Variants in ANKRD26 observed in about 807,000 individuals in gnomAD.
ANKRD26 encodes the protein ankyrin repeat domain-containing protein 26.
In ANKRD26, 141 loss-of-function variants were observed where a neutral mutation model predicts 208.7. That is an observed-to-expected ratio of 0.68 (90% CI 0.59 to 0.78). The LOEUF is 0.78. ANKRD26 is among the 30% of genes least tolerant of loss of function. The pLI is 0.00. For synonymous variants in ANKRD26, 636 were observed against 660.4 expected, an observed-to-expected ratio of 0.96 and a Z score of 0.57; for missense variants, 1,889 against 1,938.7, an observed-to-expected ratio of 0.97 and a Z score of 0.48.
intron 15 of ANKRD26, among the ~76,000 whole-genome samples, chr10:27,059,066 C>G (rs2054951729): frequency 6.6e-6 from 1 of 151,858 alleles, no homozygotes; most frequent in South Asian, 2.1e-4. Flanking sequence ...GGGAGCCTGC[C>G]ACCACGCCTG....
chr10:27,085,100 TTTTG>T (rs1410959782), intron 5 of ANKRD26, among the ~76,000 whole-genome samples: 1 of 151,820 alleles, frequency 6.6e-6, no homozygotes, highest in African/African-American at 2.4e-5. Context: ...CACTTGTTTT[TTTTG>T]TTTGTTTTTT....
chr10:26,967,443 C>G, the ANKRD26 span, among the ~76,000 whole-genome samples: 4 of 152,190 alleles, frequency 2.6e-5, no homozygotes, highest in Admixed American at 2.6e-4. Context: ...CTTCAGACCA[C>G]AATCTTTTTT....
At chr10:27,071,486 AT>A (rs199807529) in intron 9 of ANKRD26, among the ~76,000 whole-genome samples, 1,596 of 151,512 alleles carry the variant, frequency 0.011, 34 homozygotes, top group African/African-American at 0.037. Flanking sequence ...GACTACATTC[AT>A]TTCTCTAACA....
chr10:26,975,410 T>A lies in ANKRD26; in HGVS notation c.*914A>T, dbSNP rs1415599125. On this transcript the variant is annotated 3_prime_UTR_variant and NMD_transcript_variant, in exon 6 of 6. Transcript: ENST00000674670. ...CGCCCAGCTAATTTTTGCTTTTTTT[T>A]TTTTTTTTTTGGTGTAGTTGAGGTC... 4.0e-3 allele frequency among the ~76,000 whole-genome samples: 429 copies of A among 107,698 alleles called. 20 individuals carry two copies. In the East Asian group the frequency reaches 0.058, roughly 15 times the overall value. The allele number at this position is 107,698 out of a possible 152,430, so 70.7% of individuals were successfully genotyped here.
chr10:27,080,050 G>A, intron 6 of ANKRD26: 1 of 400,096 alleles, frequency 2.5e-6, no homozygotes, highest in Non-Finnish European at 5.0e-6. Context: ...CCAGCTACTT[G>A]GGAGGTGGAG....
At chr10:27,028,585 C>CAAAAAAAAA (rs11294303) in intron 27 of ANKRD26, among the ~76,000 whole-genome samples, 13 of 76,058 alleles carry the variant, frequency 1.7e-4, no homozygotes, top group African/African-American at 5.8e-4. Flanking sequence ...GACTCCATCT[C>CAAAAAAAAA]AAAAAAAAAA....
At position 27,004,964 on chromosome 10, in the gene ANKRD26, CATA is replaced by C. The variant is rs2052819392; in HGVS notation, c.*623_*625del. 1 of 868,792 alleles carries C rather than the reference CATA, an allele frequency of 1.2e-6. No homozygotes were observed. Among genetic ancestry groups the C allele is most frequent in the East Asian group, 1.2e-4 (1 of 8,248 alleles). 53.8% of individuals were successfully genotyped at this position (868,792 alleles called of 1,614,324 possible). A position where few individuals can be genotyped will look rare whatever the true frequency, so the allele number is the denominator to read the frequency against. On this transcript the variant is annotated 3_prime_UTR_variant, in exon 34 of 34. Transcript: ENST00000376087. ...CCACTAAAGTAATCAGGGGTGATGACATAATGTCAGCAATTTACTCTCAAATTG... is the reference window on the plus strand; with the variant it reads ...CCACTAAAGTAATCAGGGGTGATGACATGTCAGCAATTTACTCTCAAATTG...
intron 15 of ANKRD26, among the ~76,000 whole-genome samples, chr10:27,056,772 T>C (rs566939166): frequency 6.6e-6 from 1 of 152,174 alleles, no homozygotes; most frequent in African/African-American, 2.4e-5. Context: ...AACAAAATTC[T>C]GTCTCAAAAA....
At chr10:27,015,709 T>C (rs2053266940) in intron 30 of ANKRD26, among the ~76,000 whole-genome samples, 1 of 152,052 alleles carries the variant, frequency 6.6e-6, no homozygotes, top group African/African-American at 2.4e-5. Context: ...TCACAACGGC[T>C]ACATATTTTC....
chr10:27,072,517 T>C (rs1188519814), intron 9 of ANKRD26, among the ~76,000 whole-genome samples: 5 of 152,096 alleles, frequency 3.3e-5, no homozygotes. Context: ...CATAACACAA[T>C]GGACAGGGAC....
intron 4 of ANKRD26, among the ~76,000 whole-genome samples, chr10:27,088,747 GA>G (rs1564431227): frequency 6.6e-6 from 1 of 152,068 alleles, no homozygotes; most frequent in Non-Finnish European, 1.5e-5. Flanking sequence ...TGGTAGCAAA[GA>G]AAAAAAGAAA....
intron 7 of ANKRD26, among the ~76,000 whole-genome samples, chr10:27,078,017 T>C (rs888052101): frequency 1.3e-5 from 2 of 152,220 alleles, no homozygotes; most frequent in African/African-American, 4.8e-5. Flanking sequence ...GGTAGAGTAT[T>C]ATAAAAGTCA....
chr10:27,066,131 G>A (rs2055236243), intron 11 of ANKRD26: 1 of 161,836 alleles, frequency 6.2e-6, no homozygotes, highest in Admixed American at 6.4e-5. Flanking sequence ...AAAGTGCTGG[G>A]ATTACAGGCA....
downstream of ANKRD26, among the ~76,000 whole-genome samples, chr10:26,969,402 T>C (rs944046511): frequency 6.6e-6 from 1 of 152,222 alleles, no homozygotes; most frequent in South Asian, 2.1e-4. Context: ...GTGATCATAA[T>C]TGAAACCAGC....
chr10:26,966,926 GA>G, the ANKRD26 span, among the ~76,000 whole-genome samples: 2 of 151,318 alleles, frequency 1.3e-5, no homozygotes, highest in Non-Finnish European at 3.0e-5. Flanking sequence ...TTACTAAAAG[GA>G]AAAAAAAGCT....
chr10:26,983,833 T>C (rs962299789), intron 3 of ANKRD26, among the ~76,000 whole-genome samples: 1 of 152,174 alleles, frequency 6.6e-6, no homozygotes, highest in Non-Finnish European at 1.5e-5. Context: ...ATTGTCCTTT[T>C]TTATGCCAGC....
chr10:27,035,518 G>A lies in ANKRD26; in HGVS notation c.2932C>T (p.Leu978Phe), dbSNP rs1316703067. The A allele has an allele frequency of 6.2e-7, 1 of 1,613,774 alleles. No individual in the cohort carries two copies. Among genetic ancestry groups the A allele is most frequent in the Non-Finnish European group, 8.5e-7 (1 of 1,179,928 alleles). The change falls in exon 24 of 34, where the codon CTT becomes TTT. Residue 978 changes from leucine to phenylalanine, a missense_variant. By Grantham distance (22) the Leu-to-Phe change is conservative. This residue lies in a region of ANKRD26 where 1,272 missense variants were observed against 1,273.8 expected (regional missense o/e 1.00). Transcript: ENST00000376087. Reference protein sequence around the residue: ...TQTISQYNGRLSVLTAENAML... With the variant: ...TQTISQYNGRFSVLTAENAML... ...GCATTCTCAGCTGTCAGAACACTAA[G>A]CCGTCCATTATACTGGGATATTGTT...
At chr10:26,985,476 A>G (rs751042647) in intron 3 of ANKRD26, among the ~76,000 whole-genome samples, 3 of 152,052 alleles carry the variant, frequency 2.0e-5, no homozygotes, top group Non-Finnish European at 2.9e-5. Flanking sequence ...TTTCCCTCTC[A>G]TTTGGGCTAT....
chr10:27,100,237 C>G lies in ANKRD26; in HGVS notation c.90G>C (p.Pro30=), dbSNP rs1347503526. 6.2e-7 allele frequency: 1 copy of G among 1,612,094 alleles called. No homozygotes were observed. The highest frequency in any genetic ancestry group is 1.3e-5 in the African/African-American group (1 of 74,942). The part of the protein sequence containing the change: ...QRSSAGGGGE[P]GEGAYSQPGY... ...CGGGCTGCGAGTAGGCGCCCTCCCC[C>G]GGCTCGCCCCCGCCTCCCGCGCTGC... Residue 30 remains proline, a synonymous_variant, in exon 1 of 34, where the codon CCG becomes CCC. Transcript: ENST00000376087.
Sources: allele counts gnomAD v4.1 joint callset (sites outside exome capture counted in the v4.1 genomes callset), GRCh38; gene constraint gnomAD v4.1.1; regional missense constraint gnomAD v4.1.1; transcripts MANE v1.5; gene names NCBI Gene and HGNC (gene_info 2026-07-23, HGNC 2026-07-21).